The following ANXA8 variants were observed in gnomAD, a reference collection of about 807,000 sequenced individuals.
ANXA8 encodes the protein annexin A8, also known as VAC-beta.
In ANXA8, 9 loss-of-function variants were observed where a neutral mutation model predicts 26.8. The ratio of observed to expected loss-of-function variants is 0.34; its 90% CI spans 0.20 to 0.59. The LOEUF (loss-of-function observed/expected upper bound fraction) is 0.59, where lower values mean the gene tolerates loss of function less well. ANXA8 is among the 20% of genes least tolerant of loss of function. The probability of loss-of-function intolerance (pLI) is 0.84; values close to 1 mark genes in which losing one functional copy is unlikely to be tolerated. For synonymous variants in ANXA8, 39 were observed against 94.8 expected (o/e 0.41, Z 3.42); for missense variants, 83 against 238.5 (o/e 0.35, Z 4.29).
At chr10:47,508,930 C>G in the ANXA8 span, among the ~76,000 whole-genome samples, 1 of 127,800 alleles carries the variant, frequency 7.8e-6, no homozygotes, top group South Asian at 2.4e-4. Flanking sequence ...CCACTGACAA[C>G]AGTGCACTAC....
the ANXA8 span, among the ~76,000 whole-genome samples, chr10:47,743,390 G>A: frequency 1.1e-3 from 89 of 77,798 alleles, 1 homozygote; most frequent in Middle Eastern, 6.3e-3. Flanking sequence ...GTGTGTGTGT[G>A]TGTGTGTGTG....
the ANXA8 span, among the ~76,000 whole-genome samples, chr10:47,743,329 C>CATAT: frequency 2.1e-5 from 1 of 47,786 alleles, no homozygotes; most frequent in Admixed American, 3.0e-4. Context: ...TATATATATA[C>CATAT]ATATATATAT....
chr10:47,723,721 G>A, the ANXA8 span, among the ~76,000 whole-genome samples: 6 of 131,436 alleles, frequency 4.6e-5, no homozygotes, highest in Admixed American at 1.6e-4. Flanking sequence ...AGCTGTTTTC[G>A]TATTTGTACT....
At chr10:47,478,378 T>C in intron 3 of ANXA8, 155 bp downstream of exon 3, 1 of 628,340 alleles carries the variant, frequency 1.6e-6, no homozygotes, top group South Asian at 1.8e-5. Flanking sequence ...TGAATTTCAA[T>C]AAAGAACAAT....
the ANXA8 span, among the ~76,000 whole-genome samples, chr10:47,766,199 A>C: frequency 9.2e-6 from 1 of 108,866 alleles, no homozygotes; most frequent in Non-Finnish European, 1.9e-5. Context: ...GGCTCTTGCC[A>C]TTGGGATGAG....
chr10:47,607,939 A>T, the ANXA8 span, among the ~76,000 whole-genome samples: 8 of 134,904 alleles, frequency 5.9e-5, no homozygotes, highest in Admixed American at 4.4e-4. Context: ...AAAACTGTTT[A>T]ATCTGTAAGT....
chr10:47,950,657 T>TTC, the ANXA8 span, among the ~76,000 whole-genome samples: 1 of 150,634 alleles, frequency 6.6e-6, no homozygotes, highest in East Asian at 2.0e-4. Flanking sequence ...GGAACTAAAA[T>TTC]AGAAGTTAAT....
At chr10:47,628,131 A>G in the ANXA8 span, among the ~76,000 whole-genome samples, 2 of 149,278 alleles carry the variant, frequency 1.3e-5, no homozygotes, top group African/African-American at 2.4e-5. Context: ...CCCTTTCGAC[A>G]AATAAAATCA....
the ANXA8 span, among the ~76,000 whole-genome samples, chr10:47,657,517 G>A: frequency 8.6e-5 from 13 of 151,886 alleles, no homozygotes; most frequent in Admixed American, 2.6e-4. Flanking sequence ...AACCTACTTC[G>A]TTTCTTGAAA....
intron 11 of ANXA8, among the ~76,000 whole-genome samples, chr10:47,469,187 C>A (rs2132385836): frequency 6.7e-6 from 1 of 148,176 alleles, no homozygotes; most frequent in Non-Finnish European, 1.5e-5. Context: ...AAGGGGTCAG[C>A]TGTCCCAGGG....
the ANXA8 span, chr10:47,549,307 G>C: frequency 1.3e-6 from 2 of 1,489,082 alleles, no homozygotes; most frequent in Admixed American, 3.3e-5. Context: ...TCACTTACCA[G>C]ATCTGCTACT....
At chr10:47,958,466 G>A in the ANXA8 span, among the ~76,000 whole-genome samples, 2 of 145,792 alleles carry the variant, frequency 1.4e-5, no homozygotes, top group Non-Finnish European at 1.5e-5. Context: ...AAGATAGAGT[G>A]AGGTTCTGTC....
At chr10:47,718,196 C>A in the ANXA8 span, among the ~76,000 whole-genome samples, 1 of 152,102 alleles carries the variant, frequency 6.6e-6, no homozygotes, top group Non-Finnish European at 1.5e-5. Flanking sequence ...TTAGGCCAGA[C>A]ACATTGGCTC....
the ANXA8 span, among the ~76,000 whole-genome samples, chr10:47,663,588 T>C: frequency 1.6e-5 from 2 of 128,908 alleles, 1 homozygote; most frequent in Non-Finnish European, 3.2e-5. Flanking sequence ...TCTCACTATG[T>C]TGGCAGGCTG....
At chr10:47,557,885 CTT>C in the ANXA8 span, among the ~76,000 whole-genome samples, 1 of 151,660 alleles carries the variant, frequency 6.6e-6, no homozygotes, top group Non-Finnish European at 1.5e-5. Context: ...TTCACTGAAT[CTT>C]TTTTAAAGTA....
chr10:47,940,808 A>G, the ANXA8 span, among the ~76,000 whole-genome samples: 6 of 142,580 alleles, frequency 4.2e-5, no homozygotes, highest in Admixed American at 1.4e-4. Flanking sequence ...AGCTTAGGCG[A>G]CAGAGTGAGA....
At chr10:47,733,143 A>ATCTTCCTTTCTTTCTTTCTT in the ANXA8 span, among the ~76,000 whole-genome samples, 1 of 98,066 alleles carries the variant, frequency 1.0e-5, no homozygotes, top group Non-Finnish European at 2.2e-5. Flanking sequence ...CAACTCCCTA[A>ATCTTCCTTTCTTTCTTTCTT]TCTTTCTTTC....
At chr10:47,556,556 C>T in the ANXA8 span, among the ~76,000 whole-genome samples, 1 of 151,826 alleles carries the variant, frequency 6.6e-6, no homozygotes, top group African/African-American at 2.4e-5. Context: ...GCATAATCTT[C>T]CATCCATCAG....
chr10:47,733,047 A>C, the ANXA8 span, among the ~76,000 whole-genome samples: 2 of 150,914 alleles, frequency 1.3e-5, no homozygotes, highest in African/African-American at 4.9e-5. Context: ...TGAGCAAAAA[A>C]GGGGGACTTG....
Sources: gnomAD v4.1 joint callset for allele counts (sites outside exome capture counted in the v4.1 genomes callset) on GRCh38, gnomAD v4.1.1 for gene constraint, MANE v1.5 for transcripts, NCBI Gene and HGNC (gene_info 2026-07-23, HGNC 2026-07-21) for gene names.